Variants in COX10 observed in about 807,000 individuals in gnomAD.
The protein encoded by COX10 is cytochrome c oxidase assembly factor heme A:farnesyltransferase COX10.
In COX10, 27 loss-of-function variants were observed where a neutral mutation model predicts 37.3. The observed-to-expected ratio is 0.72, with a 90% CI of 0.53 to 1.00. The LOEUF is 1.00. Among genes scored for constraint, COX10 ranks in the 50% least tolerant of loss-of-function variants. COX10 has a pLI of 0.00. For synonymous variants in COX10, 222 were observed against 229.1 expected, an observed-to-expected ratio of 0.97 and a Z score of 0.28; for missense variants, 475 against 563.2, an observed-to-expected ratio of 0.84 and a Z score of 1.59.
At chr17:14,158,186 A>C (rs1905085004) in intron 4 of COX10, among the ~76,000 whole-genome samples, 1 of 152,080 alleles carries the variant, frequency 6.6e-6, no homozygotes, top group Non-Finnish European at 1.5e-5. Context: ...AAAAAAATAA[A>C]TAATCGTATT....
intron 6 of COX10, among the ~76,000 whole-genome samples, chr17:14,200,824 C>T (rs892345992): frequency 1.3e-5 from 2 of 152,192 alleles, no homozygotes; most frequent in Non-Finnish European, 2.9e-5. Context: ...TAAAAGAAGT[C>T]GAAAACACGT....
intron 4 of COX10, among the ~76,000 whole-genome samples, chr17:14,147,030 C>T (rs1029377814): frequency 4.6e-5 from 7 of 152,050 alleles, no homozygotes; most frequent in East Asian, 1.9e-4. Flanking sequence ...AGGGAATCCT[C>T]GTACACTGTT....
chr17:14,126,382 C>T (rs1916343063), intron 4 of COX10, among the ~76,000 whole-genome samples: 1 of 152,056 alleles, frequency 6.6e-6, no homozygotes, highest in Admixed American at 6.6e-5. Flanking sequence ...TTCTATAATC[C>T]TCTTCTTAGT....
At chr17:14,086,222 A>C (rs1156781137) in intron 3 of COX10, among the ~76,000 whole-genome samples, 2 of 152,084 alleles carry the variant, frequency 1.3e-5, no homozygotes, top group African/African-American at 4.8e-5. Context: ...TACTATGCTT[A>C]GACTTTCCCA....
chr17:14,155,744 A>C (rs563288811), intron 4 of COX10, among the ~76,000 whole-genome samples: 5 of 151,994 alleles, frequency 3.3e-5, no homozygotes, highest in Admixed American at 2.6e-4. Context: ...AAGAAAACAA[A>C]AGATAGGAGA....
At chr17:14,174,350 T>C (rs1905586072) in intron 5 of COX10, among the ~76,000 whole-genome samples, 1 of 151,030 alleles carries the variant, frequency 6.6e-6, no homozygotes, top group South Asian at 2.1e-4. Flanking sequence ...TCCCAACTAC[T>C]TGGGAGGCTG....
chr17:14,076,179 A>C (rs1228498908), intron 2 of COX10, among the ~76,000 whole-genome samples: 19 of 134,592 alleles, frequency 1.4e-4, no homozygotes, highest in Non-Finnish European at 2.4e-4. Flanking sequence ...ACAACGGTGC[A>C]ATCACAGCTC....
At chr17:14,082,948 G>A (rs959050148) in intron 3 of COX10, among the ~76,000 whole-genome samples, 13 of 152,166 alleles carry the variant, frequency 8.5e-5, no homozygotes, top group Non-Finnish European at 1.2e-4. Flanking sequence ...TAGGCAGCGA[G>A]TACTAGTCCC....
intron 1 of COX10, 111 bp downstream of exon 1, chr17:14,069,759 C>T: frequency 1.5e-6 from 2 of 1,314,924 alleles, no homozygotes; most frequent in South Asian, 1.2e-5. Flanking sequence ...GCGAGGTTGG[C>T]CGGCCACCGG....
intron 4 of COX10, among the ~76,000 whole-genome samples, chr17:14,135,249 A>G (rs1038400399): frequency 3.3e-5 from 5 of 151,840 alleles, no homozygotes; most frequent in African/African-American, 1.2e-4. Flanking sequence ...TGGGTATTAT[A>G]CAGATGTTGT....
rs770935767 is a variant in COX10 at position 14,076,983 on chromosome 17, G to A, written c.426G>A (p.Arg142=). ...DVGKETKEEK[R]WKEMKLQVYD... is the part of the protein sequence containing the mutation. ...GGAAAGAGACAAAAGAGGAAAAGCG[G>A]TGGAAAGAGATGAAGCTGCAAGTGT... is the stretch of plus-strand genomic sequence containing the variant. Residue 142 remains arginine, a synonymous_variant, in exon 3 of 7, where the codon CGG becomes CGA. Coordinates refer to ENST00000261643, the MANE Select transcript of COX10 (RefSeq NM_001303.4). 3 of 1,612,898 alleles carry A rather than the reference G, an allele frequency of 1.9e-6. No individual in the cohort carries two copies. Among genetic ancestry groups the A allele is most frequent in the South Asian group, 1.1e-5 (1 of 91,020 alleles).
At chr17:14,203,243 T>C (rs1316964982) in intron 6 of COX10, among the ~76,000 whole-genome samples, 1 of 151,808 alleles carries the variant, frequency 6.6e-6, no homozygotes, top group African/African-American at 2.4e-5. Flanking sequence ...ATAAATTTTA[T>C]ATATATATGT....
Position 14,076,754 on chromosome 17 carries a change from G to GAAGCCACAACCAGCAAGTAAGACCC in COX10, c.204_228dup (p.Glu77GlnfsTer17). The GAAGCCACAACCAGCAAGTAAGACCC allele has an allele frequency of 1.2e-6, 2 of 1,614,120 alleles. No individual in the cohort carries two copies. The highest frequency in any genetic ancestry group is 1.7e-6 in the Non-Finnish European group (2 of 1,180,020). On this transcript the variant is annotated frameshift_variant, in exon 3 of 7. Transcript: ENST00000261643. LOFTEE classifies it high-confidence loss of function. ...GTTTAGTATGTCACACAGCTGAACAGAAGCCACAACCAGCAAGTAAGACCC... is the reference window on the plus strand; with the variant it reads ...GTTTAGTATGTCACACAGCTGAACAGAAGCCACAACCAGCAAGTAAGACCCAAGCCACAACCAGCAAGTAAGACCC...
At chr17:14,132,414 G>C (rs1001026318) in intron 4 of COX10, among the ~76,000 whole-genome samples, 5 of 151,862 alleles carry the variant, frequency 3.3e-5, no homozygotes, top group African/African-American at 9.7e-5. Context: ...CAGCACGAAG[G>C]TATGATCCTT....
At chr17:14,130,168 G>T (rs1316607301) in intron 4 of COX10, among the ~76,000 whole-genome samples, 3 of 152,132 alleles carry the variant, frequency 2.0e-5, no homozygotes, top group Non-Finnish European at 4.4e-5. Flanking sequence ...TCTTAGAGGT[G>T]ATTGTATTCT....
At chr17:14,106,914 G>C (rs1339697636) in intron 4 of COX10, among the ~76,000 whole-genome samples, 1 of 152,130 alleles carries the variant, frequency 6.6e-6, no homozygotes, top group African/African-American at 2.4e-5. Context: ...TGTCTTTAAT[G>C]TTTTACAGTG....
intron 5 of COX10, among the ~76,000 whole-genome samples, chr17:14,190,502 C>A (rs1567611379): frequency 6.6e-6 from 1 of 152,192 alleles, no homozygotes; most frequent in Non-Finnish European, 1.5e-5. Context: ...CTGTCACAAG[C>A]ACCTTGACAG....
intron 6 of COX10, among the ~76,000 whole-genome samples, chr17:14,205,812 T>G (rs973422870): frequency 6.6e-6 from 1 of 152,102 alleles, no homozygotes; most frequent in Non-Finnish European, 1.5e-5. Context: ...CAAAATCCAA[T>G]GGTCAAGATT....
chr17:14,194,667 C>T (rs557269534), intron 6 of COX10, among the ~76,000 whole-genome samples: 196 of 152,248 alleles, frequency 1.3e-3, no homozygotes, highest in African/African-American at 4.1e-3. Context: ...CCTCGTGATC[C>T]GCCTGCCTCG....
Sources: gnomAD v4.1 joint callset for allele counts (sites outside exome capture counted in the v4.1 genomes callset) on GRCh38, gnomAD v4.1.1 for gene constraint, MANE v1.5 for transcripts, NCBI Gene and HGNC (gene_info 2026-07-23, HGNC 2026-07-21) for gene names.